The following ARHGEF1 variants were observed in gnomAD, a reference collection of about 807,000 sequenced individuals.
ARHGEF1 encodes the protein Rho guanine nucleotide exchange factor 1, also known as 115 kDa guanine nucleotide exchange factor.
A neutral mutation model predicts 119.7 loss-of-function variants in ARHGEF1; 40 were observed. That is an observed-to-expected ratio of 0.33 (90% CI 0.26 to 0.44). The LOEUF is 0.44. Among genes scored for constraint, ARHGEF1 ranks in the 20% least tolerant of loss-of-function variants. The probability of loss-of-function intolerance (pLI) is 1.00; values close to 1 mark genes in which losing one functional copy is unlikely to be tolerated. For synonymous variants in ARHGEF1, 494 were observed against 521.0 expected, an observed-to-expected ratio of 0.95 and a Z score of 0.71; for missense variants, 976 against 1,268.3, an observed-to-expected ratio of 0.77 and a Z score of 3.50.
chr19:41,895,165 G>T (rs1330653099), intron 11 of ARHGEF1, among the ~76,000 whole-genome samples, 184 bp from the exon 12 acceptor site: 4 of 151,526 alleles, frequency 2.6e-5, no homozygotes, highest in African/African-American at 9.7e-5. Flanking sequence ...GAGGGAGGAG[G>T]GGCTGGGGGC....
chr19:41,922,387 G>T (rs1193334580), upstream of ARHGEF1, among the ~76,000 whole-genome samples: 4 of 152,188 alleles, frequency 2.6e-5, no homozygotes, highest in Non-Finnish European at 4.4e-5. Flanking sequence ...AGAGGGCTGG[G>T]GAAATAGGGA....
rs1016843669 is a variant in ARHGEF1, at chr19:41,883,947, A to G, written c.-20+658A>G. The stretch of plus-strand genomic sequence containing the variant: ...GCAGATTACACTGCATGTCAGAGGG[A>G]AAGTTGTGCTGGAACTCAAGACTAT... On this transcript the variant is annotated intron_variant, in intron 1 of 28. Coordinates refer to ENST00000354532, the MANE Select transcript of ARHGEF1 (RefSeq NM_004706.4). This position sits in a 1 kb window ranked among gnomAD's most constrained non-coding sequence, Gnocchi z 7.6. 2.6e-5 allele frequency among the ~76,000 whole-genome samples: 4 copies of G among 152,144 alleles called. No homozygotes were observed. The highest frequency in any genetic ancestry group is 1.3e-4 in the Admixed American group (2 of 15,274).
Position 41,906,725 on chromosome 19 carries a change from G to T in ARHGEF1, c.2678G>T (p.Arg893Leu). Residue 893 changes from arginine (R) to leucine (L), a missense_variant, in exon 28 of 29, where the codon CGC becomes CTC. Arg to Leu is a moderately radical substitution (Grantham distance 102). Coordinates refer to ENST00000354532, the MANE Select transcript of ARHGEF1 (RefSeq NM_004706.4). This position sits in a 1 kb window ranked among gnomAD's most constrained non-coding sequence, Gnocchi z 4.5. ...CAGGAGTTGGAGGAGGAATTTTGCC[G>T]CCTGAGACCCCTCCTGTCTCAGCTT... ...QLEELEEEFCRLRPLLSQLGG... is the reference protein window; with the variant it reads ...QLEELEEEFCLLRPLLSQLGG... The T allele has an allele frequency of 6.2e-7, 1 of 1,609,322 alleles. No individual in the cohort carries two copies. The highest frequency in any genetic ancestry group is 1.7e-5 in the Admixed American group (1 of 58,916).
At chr19:41,909,838 G>T (rs2074742460), downstream of ARHGEF1, 2 of 1,578,428 alleles carry the variant, frequency 1.3e-6, no homozygotes, top group Non-Finnish European at 1.7e-6. The surrounding 1 kb of genome is among the most constrained non-coding windows in gnomAD (Gnocchi z 5.2). Flanking sequence ...GACAAGGTGG[G>T]ATCCAGCCCC....
chr19:41,894,543 C>G lies in ARHGEF1; in HGVS notation c.837C>G (p.Pro279=). Reference sequence around the variant, plus strand: ...CCGCCCGCTGGAACCGGGGAGAGCCCCAGGGTAAGGCGGCTCTGGCCTCTG... The same window carrying G: ...CCGCCCGCTGGAACCGGGGAGAGCCGCAGGGTAAGGCGGCTCTGGCCTCTG... ...LDAARWNRGE[P]QVPDFRHLKA... Residue 279 remains proline (P), a synonymous_variant, in exon 10 of 29, where the codon CCC becomes CCG. Coordinates refer to ENST00000354532, the MANE Select transcript of ARHGEF1 (RefSeq NM_004706.4). 6.2e-7 allele frequency: 1 copy of G among 1,613,434 alleles called. No individual in the cohort carries two copies. Among genetic ancestry groups the G allele is most frequent in the Non-Finnish European group, 8.5e-7 (1 of 1,179,550 alleles).
rs948109062 is a variant in ARHGEF1 at position 41,903,063 on chromosome 19, G to A, written c.1738+165G>A. On this transcript the variant is annotated intron_variant, in intron 18 of 28. Coordinates refer to ENST00000354532, the MANE Select transcript of ARHGEF1 (RefSeq NM_004706.4). This position sits in a 1 kb window ranked among gnomAD's most constrained non-coding sequence, Gnocchi z 4.2. ...TCCCCAAGTAGCTGGGACCCCAAGG[G>A]CACACCACCATGCCCAGCTAATTTT... is the stretch of plus-strand genomic sequence containing the variant. Among the ~76,000 whole-genome samples the A allele has an allele frequency of 1.3e-5, 2 of 151,676 alleles. No homozygotes were observed. The highest frequency in any genetic ancestry group is 1.9e-4 in the East Asian group (1 of 5,182).
chr19:41,920,537 C>A (rs1555852389), upstream of ARHGEF1, among the ~76,000 whole-genome samples: 1 of 151,950 alleles, frequency 6.6e-6, no homozygotes, highest in African/African-American at 2.4e-5. Flanking sequence ...ATGATGCACT[C>A]ACAGACAGGA....
At chr19:41,927,115 C>G (rs2074876334) in intron 1 of ARHGEF1, among the ~76,000 whole-genome samples, 1 of 151,834 alleles carries the variant, frequency 6.6e-6, no homozygotes, top group South Asian at 2.1e-4. Context: ...GATAGAGAGA[C>G]AGATCCTGGG....
At chr19:41,893,889 AGGGGGCTGGGGGCCTGG>A in intron 8 of ARHGEF1, among the ~76,000 whole-genome samples, 1 of 18,070 alleles carries the variant, frequency 5.5e-5, no homozygotes, top group Non-Finnish European at 9.1e-5. Flanking sequence ...CTGAGGGAGG[AGGGGGCTGGGGGCCTGG>A]ACTCCTGGGT....
At chr19:41,920,177 CACGCTCACAGACAT>C (rs1218329821), upstream of ARHGEF1, among the ~76,000 whole-genome samples, 10 of 111,738 alleles carry the variant, frequency 8.9e-5, no homozygotes, top group African/African-American at 3.7e-4. Context: ...TCAGACATGA[CACGCTCACAGACAT>C]GCGCTCACAG....
In ARHGEF1 at chr19:41,916,427, ACAC is replaced by A. The variant is rs2074802155; in HGVS notation, c.1866-6664_1866-6662del. Among the ~76,000 whole-genome samples, 2 of 152,144 alleles carry A rather than the reference ACAC, an allele frequency of 1.3e-5. No individual in the cohort carries two copies. Among genetic ancestry groups the A allele is most frequent in the Admixed American group, 6.5e-5 (1 of 15,278 alleles). On this transcript the variant is annotated intron_variant, in intron 18 of 20. Transcript: ENST00000599589. The surrounding 1 kb of genome is among the most constrained non-coding windows in gnomAD (Gnocchi z 5.4). ...CCAACACTGTCACAGTCACACACAC[ACAC>A]ATCAGCATAGTCACAGATGCACAGA...
Position 41,883,670 on chromosome 19 carries a change from G to A in ARHGEF1, c.-20+381G>A, listed in dbSNP as rs2074253595. On this transcript the variant is annotated intron_variant, in intron 1 of 28. Coordinates refer to ENST00000354532, the MANE Select transcript of ARHGEF1 (RefSeq NM_004706.4). The surrounding 1 kb of genome is among the most constrained non-coding windows in gnomAD (Gnocchi z 7.6). The stretch of plus-strand genomic sequence containing the variant: ...GGAGTTGGGATTTGAACTCGCACGT[G>A]CTTTCCGCAAAGCGCCATCCTCCAA... Among the ~76,000 whole-genome samples the A allele has an allele frequency of 6.6e-6, 1 of 152,202 alleles. No individual in the cohort carries two copies. The highest frequency in any genetic ancestry group is 2.4e-5 in the African/African-American group (1 of 41,452).
downstream of ARHGEF1, chr19:41,910,047 T>G (rs1158275265): frequency 6.2e-7 from 1 of 1,613,520 alleles, no homozygotes; most frequent in Non-Finnish European, 8.5e-7. The surrounding 1 kb of genome is among the most constrained non-coding windows in gnomAD (Gnocchi z 4.4). Context: ...TGGATCTGCC[T>G]CGAGCCAGGG....
Position 41,902,134 on chromosome 19 carries a change from G to T in ARHGEF1, c.1414+101G>T. The T allele has an allele frequency of 6.4e-7, 1 of 1,568,230 alleles. No homozygotes were observed. Among genetic ancestry groups the T allele is most frequent in the Non-Finnish European group, 8.7e-7 (1 of 1,151,178 alleles). ...TGCTCGGGAACCCCAGGGTTCACATGGGGTGGGGGCAGATACGCCATCCGG... is the reference window on the plus strand; with the variant it reads ...TGCTCGGGAACCCCAGGGTTCACATTGGGTGGGGGCAGATACGCCATCCGG... On this transcript the variant is annotated intron_variant, in intron 15 of 28. Transcript: ENST00000354532. The surrounding 1 kb of genome is among the most constrained non-coding windows in gnomAD (Gnocchi z 6.5).
intron 28 of ARHGEF1, 74 bp from the exon 29 acceptor site, chr19:41,907,031 T>TC: frequency 7.4e-7 from 1 of 1,358,320 alleles, no homozygotes. Context: ...TCTCCCTGTC[T>TC]TGTCTCTGTG....
chr19:41,913,112 T>C (rs60841401), intron 18 of ARHGEF1, among the ~76,000 whole-genome samples: 53,925 of 151,262 alleles, frequency 0.36, 14,161 homozygotes, highest in African/African-American at 0.73. Context: ...TCCCCAGCCG[T>C]TCCCGGCCCC....
At chr19:41,908,162 G>T, downstream of ARHGEF1, 1 of 1,187,626 alleles carries the variant, frequency 8.4e-7, no homozygotes, top group Non-Finnish European at 1.1e-6. The surrounding 1 kb of genome is among the most constrained non-coding windows in gnomAD (Gnocchi z 6.7). Context: ...CTTGGGCCAG[G>T]CATCAAGGGC....
At chr19:41,922,711 C>T (rs116218208), upstream of ARHGEF1, among the ~76,000 whole-genome samples, 2,064 of 151,850 alleles carry the variant, frequency 0.014, 31 homozygotes, top group African/African-American at 0.043. Context: ...AGGGATCCCA[C>T]AAGGGCCGGG....
rs1555850285 is a variant in ARHGEF1 at position 41,906,648 on chromosome 19, T to C, written c.2655+28T>C. The C allele has an allele frequency of 1.2e-6, 2 of 1,600,152 alleles. No individual in the cohort carries two copies. Among genetic ancestry groups the C allele is most frequent in the South Asian group, 1.1e-5 (1 of 89,652 alleles). The stretch of plus-strand genomic sequence containing the variant: ...GGGGCGGGACGGGCCAGGGGTGCCC[T>C]GAGTGGGCTGGGGAAGGAAGGGGCC... On this transcript the variant is annotated intron_variant, in intron 27 of 28. Coordinates refer to ENST00000354532, the MANE Select transcript of ARHGEF1 (RefSeq NM_004706.4). The surrounding 1 kb of genome is among the most constrained non-coding windows in gnomAD (Gnocchi z 4.5).
Sources: gnomAD v4.1 joint callset for allele counts (sites outside exome capture counted in the v4.1 genomes callset) on GRCh38, gnomAD v4.1.1 for gene constraint, Gnocchi (gnomAD v3.1) non-coding constraint, MANE v1.5 for transcripts, NCBI Gene and HGNC (gene_info 2026-07-23, HGNC 2026-07-21) for gene names.